PFKP: variants seen among roughly 807,000 people sequenced by gnomAD.
The protein encoded by PFKP is phosphofructokinase, platelet.
A neutral mutation model predicts 94.3 loss-of-function variants in PFKP; 101 were observed. The ratio of observed to expected loss-of-function variants is 1.07; its 90% CI spans 0.91 to 1.26. The LOEUF is 1.26. PFKP is among the 50% of genes most tolerant of loss of function. PFKP has a pLI of 0.00. For missense variants in PFKP, 1,145 were observed against 1,103.3 expected (o/e 1.04, Z -0.53); for synonymous variants, 573 against 432.6 (o/e 1.32, Z -4.03).
chr10:3,083,737 G>A (rs1295102591), intron 2 of PFKP, among the ~76,000 whole-genome samples: 1 of 152,172 alleles, frequency 6.6e-6, no homozygotes, highest in African/African-American at 2.4e-5. Context: ...CCGCCTCCCA[G>A]ATTCAAATGA....
chr10:3,108,949 G>A (rs1398741813), intron 9 of PFKP, among the ~76,000 whole-genome samples, 156 bp downstream of exon 9: 4 of 152,178 alleles, frequency 2.6e-5, no homozygotes, highest in African/African-American at 4.8e-5. Flanking sequence ...GACCTTTGGT[G>A]TAGACCAGTC....
In PFKP at chr10:3,136,719, AGTGCGTGCTGTCTGTG is replaced by A. The variant is rs1839422036; in HGVS notation, c.*142_*157del. On this transcript the variant is annotated 3_prime_UTR_variant, in exon 22 of 22. Transcript: ENST00000381125. ...AGTGCCCATCTGCCCCACCTGCTCC[AGTGCGTGCTGTCTGTG>A]GAGTGTGTCTCATGCTTTCAGATGT... The A allele has an allele frequency of 1.3e-6, 1 of 764,176 alleles. No homozygotes were observed. The highest frequency in any genetic ancestry group is 2.1e-6 in the Non-Finnish European group (1 of 471,958). 47.3% of individuals were successfully genotyped at this position (764,176 alleles called of 1,614,324 possible).
intron 7 of PFKP, among the ~76,000 whole-genome samples, chr10:3,106,096 C>G (rs963981310): frequency 1.3e-5 from 2 of 152,212 alleles, no homozygotes; most frequent in African/African-American, 4.8e-5. Flanking sequence ...GCTGCTGGAG[C>G]CTGTGTGCAA....
At position 3,132,121 on chromosome 10, in the gene PFKP, G is replaced by A. The variant is rs59171262; in HGVS notation, c.1849-259G>A. ...AAGCACGGAATTACCATTTTCAGAGGGACCCTGTTGACTCTGGAAGGTGTT... is the reference window on the plus strand; with the variant it reads ...AAGCACGGAATTACCATTTTCAGAGAGACCCTGTTGACTCTGGAAGGTGTT... On this transcript the variant is annotated intron_variant, in intron 17 of 21. Coordinates refer to ENST00000381125, the MANE Select transcript of PFKP (RefSeq NM_002627.5). 5.5e-3 allele frequency among the ~76,000 whole-genome samples: 835 copies of A among 152,240 alleles called. 5 individuals carry two copies. Among genetic ancestry groups the A allele is most frequent in the Middle Eastern group, 0.037 (11 of 294 alleles).
At chr10:3,076,414 C>G (rs1832598329) in intron 1 of PFKP, among the ~76,000 whole-genome samples, 1 of 152,166 alleles carries the variant, frequency 6.6e-6, no homozygotes, top group Non-Finnish European at 1.5e-5. Flanking sequence ...TACCTGAGCT[C>G]TTTCCCAGAT....
At chr10:3,120,234 T>C (rs1174479179) in intron 16 of PFKP, among the ~76,000 whole-genome samples, 190 bp downstream of exon 16, 1 of 152,136 alleles carries the variant, frequency 6.6e-6, no homozygotes, top group African/African-American at 2.4e-5. Context: ...TCCCAGAGAG[T>C]TTTACCACCT....
intron 2 of PFKP, among the ~76,000 whole-genome samples, chr10:3,097,759 C>G (rs759907574): frequency 2.0e-5 from 3 of 152,218 alleles, no homozygotes; most frequent in African/African-American, 7.2e-5. Flanking sequence ...AATCCCAGCA[C>G]TTTGGGAGGC....
intron 19 of PFKP, 80 bp from the exon 20 acceptor site, chr10:3,134,402 CA>C: frequency 2.4e-6 from 2 of 850,690 alleles, no homozygotes; most frequent in Non-Finnish European, 3.9e-6. Flanking sequence ...ATGAATTCTG[CA>C]AAATAGAAAT....
intron 18 of PFKP, among the ~76,000 whole-genome samples, chr10:3,132,686 G>A (rs905598622): frequency 1.1e-4 from 16 of 152,148 alleles, no homozygotes; most frequent in Non-Finnish European, 1.9e-4. Context: ...TCCCTAATTA[G>A]CACCTGATGT....
intron 7 of PFKP, among the ~76,000 whole-genome samples, chr10:3,106,577 C>T (rs4881083): frequency 0.09 from 13,099 of 146,290 alleles, 1,272 homozygotes; most frequent in South Asian, 0.21. Context: ...GAGCCACAGC[C>T]GCCCTGCTCC....
At chr10:3,133,402 AAATGT>A (rs1838835123) in intron 19 of PFKP, 88 bp downstream of exon 19, 2 of 863,184 alleles carry the variant, frequency 2.3e-6, no homozygotes, top group Non-Finnish European at 4.0e-6. Flanking sequence ...TTGTGGGGAA[AAATGT>A]ATAAGTAAAT....
intron 1 of PFKP, among the ~76,000 whole-genome samples, chr10:3,082,038 A>T (rs1833125516): frequency 9.1e-6 from 1 of 109,336 alleles, no homozygotes. Context: ...GTGATACTCC[A>T]TTTTTCATCT....
intron 14 of PFKP, 49 bp from the exon 15 acceptor site, chr10:3,118,733 G>A (rs760167884): frequency 2.2e-6 from 3 of 1,377,368 alleles, no homozygotes; most frequent in East Asian, 4.6e-5. Context: ...CCTGCGGACC[G>A]CGTGGAGTTT....
chr10:3,118,776 T>C lies in PFKP; in HGVS notation c.1443-6T>C, dbSNP rs1256310596. Reference sequence around the variant, plus strand: ...CTGACATCGTTCTCCACGTGGCTATTTTCAGCGTTCTCCCGGGGAAGTACT... The same window carrying C: ...CTGACATCGTTCTCCACGTGGCTATCTTCAGCGTTCTCCCGGGGAAGTACT... On this transcript the variant is annotated splice_region_variant and splice_polypyrimidine_tract_variant and intron_variant, in intron 14 of 21. Transcript: ENST00000381125. 6.2e-7 allele frequency: 1 copy of C among 1,611,786 alleles called. No individual in the cohort carries two copies.
rs185572207 is a variant in PFKP at position 3,075,980 on chromosome 10, C to T, written c.113-6408C>T. ...GAGCCGAGATCGCGCCACTGCAGTC[C>T]GCAGTCCGGCCTGGGCGACAGAGCG... On this transcript the variant is annotated intron_variant, in intron 1 of 21. Coordinates refer to ENST00000381125, the MANE Select transcript of PFKP (RefSeq NM_002627.5). 5.7e-3 allele frequency among the ~76,000 whole-genome samples: 762 copies of T among 133,780 alleles called. 5 individuals carry two copies. The highest frequency in any genetic ancestry group is 0.021 in the African/African-American group (729 of 34,712). The allele number at this position is 133,780 out of a possible 152,430, so 87.8% of individuals were successfully genotyped here.
intron 1 of PFKP, 91 bp downstream of exon 1, chr10:3,067,798 G>T: frequency 1.7e-6 from 1 of 576,494 alleles, no homozygotes. Context: ...GGAGAGAAGA[G>T]GGGGGAAGCG....
In PFKP at chr10:3,093,099, C is replaced by T. The variant is rs1588440169; in HGVS notation, c.187-6176C>T. Among the ~76,000 whole-genome samples the T allele has an allele frequency of 2.6e-5, 4 of 152,194 alleles. No homozygotes were observed. In the South Asian group the frequency reaches 8.3e-4, roughly 32 times the overall value. ...ACCACGGAAGCCTGAGCTCCCGCTC[C>T]TGGGATGTGTGGAAGGGGCTGGCCG... On this transcript the variant is annotated intron_variant, in intron 2 of 21. Coordinates refer to ENST00000381125, the MANE Select transcript of PFKP (RefSeq NM_002627.5).
intron 20 of PFKP, among the ~76,000 whole-genome samples, chr10:3,134,999 T>TGTAGAACTGCATGTTC (rs1184426861): frequency 6.6e-6 from 1 of 151,902 alleles, no homozygotes; most frequent in Non-Finnish European, 1.5e-5. Flanking sequence ...TGTTCATGTT[T>TGTAGAACTGCATGTTC]GTAGAACTGC....
In PFKP at chr10:3,107,247, A is replaced by G. The variant is rs1564311205; in HGVS notation, c.808A>G (p.Ile270Val). The G allele has an allele frequency of 1.1e-5, 17 of 1,612,126 alleles. No individual in the cohort carries two copies. Among genetic ancestry groups the G allele is most frequent in the Non-Finnish European group, 1.3e-5 (15 of 1,178,832 alleles). The change falls in exon 8 of 22, where the codon ATT becomes GTT. Residue 270 changes from isoleucine to valine, a missense_variant. Ile to Val is a conservative substitution (Grantham distance 29, BLOSUM62 3). This residue lies in a region of PFKP where 1,119 missense variants were observed against 1,062.8 expected (regional missense o/e 1.05). Coordinates refer to ENST00000381125, the MANE Select transcript of PFKP (RefSeq NM_002627.5). ...RARKKRLNII[I>V]VAEGAIDTQN... ...CCGGAAAAAAAGGCTGAATATTATTATTGTGGCTGAAGGAGCAATTGATAC... is the reference window on the plus strand; with the variant it reads ...CCGGAAAAAAAGGCTGAATATTATTGTTGTGGCTGAAGGAGCAATTGATAC...
Sources: gnomAD v4.1 joint callset for allele counts (sites outside exome capture counted in the v4.1 genomes callset) on GRCh38, gnomAD v4.1.1 for gene constraint, gnomAD v4.1.1 regional missense constraint, MANE v1.5 for transcripts, NCBI Gene and HGNC (gene_info 2026-07-23, HGNC 2026-07-21) for gene names.